CAST: variants seen among roughly 807,000 people sequenced by gnomAD.
CAST encodes calpastatin, also known as MIR583 host.
Under a neutral mutation model 119.6 loss-of-function variants are expected in CAST, and 76 were observed. That is an observed-to-expected ratio of 0.64 (90% confidence interval 0.53 to 0.77). The LOEUF (loss-of-function observed/expected upper bound fraction) is 0.77, where lower values mean the gene tolerates loss of function less well. CAST is among the 30% of genes least tolerant of loss of function. CAST has a pLI of 0.00. For synonymous variants in CAST, 319 were observed against 331.6 expected (o/e 0.96, Z 0.41); for missense variants, 953 against 946.5 (o/e 1.01, Z -0.09).
chr5:96,744,446 T>C (rs1763327811), intron 16 of CAST, among the ~76,000 whole-genome samples: 1 of 152,186 alleles, frequency 6.6e-6, no homozygotes, highest in African/African-American at 2.4e-5. Context: ...GTGAGAATTA[T>C]TCACTATCAT....
At chr5:96,551,604 A>G (rs529427087) in intron 1 of CAST, among the ~76,000 whole-genome samples, 1 of 152,314 alleles carries the variant, frequency 6.6e-6, no homozygotes, top group East Asian at 1.9e-4. Flanking sequence ...AAATGCTCCA[A>G]TTAAGAGACA....
the CAST span, among the ~76,000 whole-genome samples, chr5:96,296,902 A>T: frequency 1.3e-5 from 2 of 152,170 alleles, no homozygotes; most frequent in Admixed American, 6.6e-5. Context: ...TGGCTTGCTG[A>T]CTACCCTCTT....
the CAST span, among the ~76,000 whole-genome samples, chr5:96,199,043 C>A: frequency 6.6e-6 from 1 of 152,124 alleles, no homozygotes; most frequent in East Asian, 1.9e-4. Flanking sequence ...GCCAAAGGGA[C>A]TGGTTTTCTA....
the CAST span, among the ~76,000 whole-genome samples, chr5:96,347,716 C>T: frequency 6.6e-6 from 1 of 152,146 alleles, no homozygotes; most frequent in African/African-American, 2.4e-5. Context: ...AGAGTCATCC[C>T]AGCAATGGAA....
chr5:96,155,434 T>G, the CAST span, among the ~76,000 whole-genome samples: 13 of 152,316 alleles, frequency 8.5e-5, no homozygotes, highest in South Asian at 2.1e-4. Context: ...GGAAATACAG[T>G]GATGGCCAAG....
At chr5:96,085,000 C>A in the CAST span, among the ~76,000 whole-genome samples, 12 of 152,336 alleles carry the variant, frequency 7.9e-5, no homozygotes, top group African/African-American at 2.9e-4. Flanking sequence ...GCCCTGAATT[C>A]TTTGACTTTT....
At chr5:96,701,977 G>A (rs1753964025) in intron 3 of CAST, among the ~76,000 whole-genome samples, 1 of 152,090 alleles carries the variant, frequency 6.6e-6, no homozygotes, top group African/African-American at 2.4e-5. Context: ...AACTGCCTTG[G>A]CTGCCTGGTG....
At chr5:96,662,243 T>G, upstream of CAST, 1 of 688,144 alleles carries the variant, frequency 1.5e-6, no homozygotes, top group Non-Finnish European at 2.1e-6. Flanking sequence ...GGAGGGCCCA[T>G]CGGGGCTAGG....
chr5:96,319,465 A>T, the CAST span, among the ~76,000 whole-genome samples: 2 of 152,294 alleles, frequency 1.3e-5, no homozygotes, highest in South Asian at 2.1e-4. Flanking sequence ...AGGGATTTGA[A>T]CCCAGGCAAT....
chr5:96,375,229 C>G, the CAST span, among the ~76,000 whole-genome samples: 1 of 152,142 alleles, frequency 6.6e-6, no homozygotes, highest in Non-Finnish European at 1.5e-5. Context: ...TAGAGATTTT[C>G]AGGTGTCTTC....
chr5:96,270,405 G>A, the CAST span, among the ~76,000 whole-genome samples: 557 of 152,148 alleles, frequency 3.7e-3, 1 homozygote, highest in Non-Finnish European at 4.9e-3. Flanking sequence ...AATTATGCAA[G>A]AGAAAGAAAT....
At chr5:96,604,617 G>T (rs78419669) in intron 1 of CAST, among the ~76,000 whole-genome samples, 1 of 152,156 alleles carries the variant, frequency 6.6e-6, no homozygotes, top group African/African-American at 2.4e-5. Flanking sequence ...GTGAACAAAT[G>T]CTAAAGGACT....
chr5:96,187,720 G>A, the CAST span, among the ~76,000 whole-genome samples: 59 of 152,242 alleles, frequency 3.9e-4, 1 homozygote, highest in East Asian at 0.011. Flanking sequence ...GCACAAAGTG[G>A]GCACTCAGAA....
chr5:96,736,323 A>G, intron 10 of CAST, 83 bp downstream of exon 10: 1 of 787,178 alleles, frequency 1.3e-6, no homozygotes, highest in South Asian at 1.7e-5. Flanking sequence ...TTGTGGGCAA[A>G]TAATATGAGG....
chr5:96,358,008 A>G, the CAST span, among the ~76,000 whole-genome samples: 1 of 151,988 alleles, frequency 6.6e-6, no homozygotes, highest in African/African-American at 2.4e-5. Flanking sequence ...CAATTTCAGA[A>G]CTTGTTATTG....
chr5:96,031,232 CAAA>C, the CAST span, among the ~76,000 whole-genome samples: 2 of 63,672 alleles, frequency 3.1e-5, no homozygotes, highest in Admixed American at 1.7e-4. Flanking sequence ...AGAACATGAC[CAAA>C]AAAAAAAAAA....
Position 96,770,586 on chromosome 5 carries a change from C to T in CAST, c.2324C>T (p.Ala775Val), listed in dbSNP as rs767408102. 2.5e-5 allele frequency: 41 copies of T among 1,611,262 alleles called. No individual in the cohort carries two copies. Among genetic ancestry groups the T allele is most frequent in the Admixed American group, 3.3e-5 (2 of 59,952 alleles). Residue 775 changes from alanine to valine, a missense_variant, in exon 30 of 32, where the codon GCG becomes GTG. Ala to Val is a moderately conservative substitution (Grantham distance 64, BLOSUM62 0). Coordinates refer to ENST00000675179, the MANE Select transcript of CAST (RefSeq NM_001750.7). ...AAAGCACCTAAGAATGGAGGTAAAG[C>T]GAAGGATTCAGCAAAGGTAAATGGA... is the stretch of plus-strand genomic sequence containing the variant. ...SSKAPKNGGK[A>V]KDSAKTTEET... is the part of the protein sequence containing the mutation.
the CAST span, among the ~76,000 whole-genome samples, chr5:96,163,892 G>T: frequency 6.6e-6 from 1 of 152,202 alleles, no homozygotes; most frequent in Non-Finnish European, 1.5e-5. Flanking sequence ...AACTCTGTGG[G>T]TTTGAATTCC....
At chr5:95,973,145 C>G in the CAST span, 2 of 174,636 alleles carry the variant, frequency 1.1e-5, no homozygotes, top group African/African-American at 4.8e-5. Flanking sequence ...CTTTCCTTTC[C>G]TTTCCATTCC....
Sources: gnomAD v4.1 joint callset for allele counts (sites outside exome capture counted in the v4.1 genomes callset) on GRCh38, gnomAD v4.1.1 for gene constraint, MANE v1.5 for transcripts, NCBI Gene and HGNC (gene_info 2026-07-23, HGNC 2026-07-21) for gene names.